Variants in PLPP1 observed in about 807,000 individuals in gnomAD.
The protein encoded by PLPP1 is lipid phosphate phosphohydrolase 1a.
PLPP1 carries 24 observed loss-of-function variants against 31.2 expected under a neutral mutation model. The ratio of observed to expected loss-of-function variants is 0.77; its 90% CI spans 0.56 to 1.08. The LOEUF (loss-of-function observed/expected upper bound fraction) is 1.08, where lower values mean the gene tolerates loss of function less well. PLPP1 is among the 50% of genes least tolerant of loss of function. PLPP1 has a pLI of 0.00. For missense variants in PLPP1, 319 were observed against 342.7 expected, an observed-to-expected ratio of 0.93 and a Z score of 0.55; for synonymous variants, 146 against 126.3, an observed-to-expected ratio of 1.16 and a Z score of -1.05.
chr5:55,449,812 G>A (rs1176512725), intron 3 of PLPP1, among the ~76,000 whole-genome samples: 1 of 152,118 alleles, frequency 6.6e-6, no homozygotes, highest in Non-Finnish European at 1.5e-5. Context: ...AATACTGAAT[G>A]TTTAGGAAGG....
chr5:55,525,363 G>A (rs898554959), intron 1 of PLPP1, among the ~76,000 whole-genome samples: 6 of 152,136 alleles, frequency 3.9e-5, no homozygotes, highest in African/African-American at 1.4e-4. Flanking sequence ...CTTTCCCAAG[G>A]TCACAGAGTT....
At chr5:55,502,356 G>A (rs1404449608) in intron 1 of PLPP1, among the ~76,000 whole-genome samples, 2 of 152,060 alleles carry the variant, frequency 1.3e-5, no homozygotes, top group Non-Finnish European at 2.9e-5. Context: ...GCATGGTGGC[G>A]CACACCTGTA....
intron 1 of PLPP1, among the ~76,000 whole-genome samples, chr5:55,501,821 G>A (rs1217694370): frequency 6.6e-6 from 1 of 152,136 alleles, no homozygotes; most frequent in Non-Finnish European, 1.5e-5. Context: ...TTTTAAATTG[G>A]AAATTTTGTT....
rs534930901 is a variant in PLPP1 at position 55,472,116 on chromosome 5, C to T, written c.210+3183G>A. Among the ~76,000 whole-genome samples the T allele has an allele frequency of 7.9e-5, 12 of 152,290 alleles. No individual in the cohort carries two copies. The East Asian group carries it at 2.3e-3, about 29-fold the overall frequency. ...CAAGCCTGGGTGACAGAGAAAGACT[C>T]TGTCAATCAATTAATCAAAACATAC... On this transcript the variant is annotated intron_variant, in intron 2 of 5. Transcript: ENST00000307259.
chr5:55,473,511 G>T (rs1243973538), intron 2 of PLPP1, among the ~76,000 whole-genome samples: 2 of 151,946 alleles, frequency 1.3e-5, no homozygotes, highest in Admixed American at 6.6e-5. Context: ...AAGGTATTAC[G>T]ATCATTCTTA....
At chr5:55,457,773 C>T (rs941239516) in intron 3 of PLPP1, among the ~76,000 whole-genome samples, 7 of 151,684 alleles carry the variant, frequency 4.6e-5, no homozygotes, top group African/African-American at 1.7e-4. Context: ...CCTGTAGTCC[C>T]AGCTACTCAG....
At chr5:55,494,691 C>G (rs924328852) in intron 1 of PLPP1, among the ~76,000 whole-genome samples, 2 of 152,196 alleles carry the variant, frequency 1.3e-5, no homozygotes, top group African/African-American at 4.8e-5. Flanking sequence ...GTACTCCCTT[C>G]TTATCTGTCC....
chr5:55,468,196 C>T (rs750885339), intron 2 of PLPP1, 47 bp from the exon 3 acceptor site: 2 of 1,468,198 alleles, frequency 1.4e-6, no homozygotes, highest in South Asian at 2.7e-5. Flanking sequence ...CAAGCAGGCA[C>T]TTTAAACAAA....
rs1554035932 is a variant in PLPP1 at position 55,425,801 on chromosome 5, T to TTC, written c.726+61_726+62insGA. 6.4e-6 allele frequency: 9 copies of TTC among 1,398,944 alleles called. No homozygotes were observed. In the African/African-American group the frequency reaches 1.2e-4, roughly 18 times the overall value. 86.7% of individuals were successfully genotyped at this position (1,398,944 alleles called of 1,614,324 possible). On this transcript the variant is annotated intron_variant, in intron 5 of 5. Transcript: ENST00000307259. ...CTGGGGATTTTTTGGATTTTTTTTT[T>TTC]CTATTTACTTATATAAATGTTTAGC...
rs181072079 is a variant in PLPP1, at chr5:55,426,089, A to G, written c.550-50T>C. The G allele has an allele frequency of 6.1e-5, 88 of 1,450,726 alleles. 1 individual carries two copies. In the African/African-American group the frequency reaches 1.1e-3, roughly 19 times the overall value. 89.9% of individuals were successfully genotyped at this position (1,450,726 alleles called of 1,614,324 possible). ...AATAGTTTATTTAACATAACGCAAA[A>G]CTTTTATATTAAGGAAGGGTTGGCA... is the stretch of plus-strand genomic sequence containing the variant. On this transcript the variant is annotated intron_variant, in intron 4 of 5. Coordinates refer to ENST00000307259, the MANE Select transcript of PLPP1 (RefSeq NM_003711.4).
chr5:55,450,556 T>C (rs1185921249), intron 3 of PLPP1, among the ~76,000 whole-genome samples: 1 of 152,162 alleles, frequency 6.6e-6, no homozygotes, highest in African/African-American at 2.4e-5. Context: ...ACTTGGTGAC[T>C]ACTGTAACAG....
chr5:55,483,771 A>G (rs565747570), intron 1 of PLPP1, among the ~76,000 whole-genome samples: 3 of 151,976 alleles, frequency 2.0e-5, no homozygotes, highest in African/African-American at 4.8e-5. Flanking sequence ...AAAATCTCCA[A>G]CCAAAAACTA....
In PLPP1 at chr5:55,425,156, C is replaced by CA; in HGVS notation, c.*49dup. On this transcript the variant is annotated 3_prime_UTR_variant, in exon 6 of 6. Transcript: ENST00000307259. ...ATGCATCCTCTTGCCTTGTGGCAAT[C>CA]ATTTTCCTTTAGAAAACAGGCCAGC... The CA allele has an allele frequency of 6.3e-7, 1 of 1,580,648 alleles. No individual in the cohort carries two copies. Among genetic ancestry groups the CA allele is most frequent in the East Asian group, 2.2e-5 (1 of 44,670 alleles).
Position 55,425,251 on chromosome 5 carries a change from T to C in PLPP1, c.810A>G (p.Glu270=), listed in dbSNP as rs1254157260. 12 of 1,613,786 alleles carry C rather than the reference T, an allele frequency of 7.4e-6. No homozygotes were observed. The highest frequency in any genetic ancestry group is 1.0e-5 in the Non-Finnish European group (12 of 1,179,872). Residue 270 remains glutamate, a synonymous_variant, in exon 6 of 6, where the codon GAA becomes GAG. Coordinates refer to ENST00000307259, the MANE Select transcript of PLPP1 (RefSeq NM_003711.4). The stretch of plus-strand genomic sequence containing the variant: ...GATAGTGATTCCCAGTTGTTGGTGT[T>C]TCATGCAGAGTTGTATGAGAGTCCT... ...KEEDSHTTLH[E]TPTTGNHYPS...
intron 1 of PLPP1, among the ~76,000 whole-genome samples, chr5:55,508,659 T>C (rs1753336459): frequency 6.6e-6 from 1 of 152,200 alleles, no homozygotes; most frequent in Admixed American, 6.5e-5. Flanking sequence ...TGTACCAGCA[T>C]CGGCCACTCA....
chr5:55,471,366 T>C (rs1229732688), intron 2 of PLPP1, among the ~76,000 whole-genome samples: 2 of 152,106 alleles, frequency 1.3e-5, no homozygotes, highest in African/African-American at 2.4e-5. Context: ...CGCACCCAGC[T>C]AAATTTTGTA....
chr5:55,519,779 A>T (rs1329301711), intron 1 of PLPP1, among the ~76,000 whole-genome samples: 1 of 152,062 alleles, frequency 6.6e-6, no homozygotes, highest in Non-Finnish European at 1.5e-5. Flanking sequence ...AAAAAGTATA[A>T]AAGTATGAAT....
chr5:55,521,028 A>AGAGT (rs561744903), intron 1 of PLPP1, among the ~76,000 whole-genome samples: 108 of 151,118 alleles, frequency 7.1e-4, no homozygotes, highest in African/African-American at 2.5e-3. Context: ...CCTGGGCAAC[A>AGAGT]GAGTGAGACC....
intron 1 of PLPP1, chr5:55,530,741 C>T (rs954186181): frequency 5.7e-6 from 9 of 1,569,196 alleles, no homozygotes; most frequent in African/African-American, 4.0e-5. Context: ...CAATGTGCTC[C>T]GCTTTCCCTC....
Sources: allele counts gnomAD v4.1 joint callset (sites outside exome capture counted in the v4.1 genomes callset), GRCh38; gene constraint gnomAD v4.1.1; transcripts MANE v1.5; gene names NCBI Gene and HGNC (gene_info 2026-07-23, HGNC 2026-07-21).